TBCB: variants seen among roughly 807,000 people sequenced by gnomAD.
TBCB encodes tubulin-folding cofactor B.
TBCB carries 18 observed loss-of-function variants against 29.2 expected under a neutral mutation model. The ratio of observed to expected loss-of-function variants is 0.62; its 90% confidence interval spans 0.43 to 0.91. TBCB has a LOEUF of 0.91. TBCB is among the 40% of genes least tolerant of loss of function. TBCB has a pLI of 0.00. For missense variants in TBCB, 336 were observed against 337.6 expected (o/e 1.00, Z 0.04); for synonymous variants, 172 against 137.8 (o/e 1.25, Z -1.74).
intron 2 of TBCB, among the ~76,000 whole-genome samples, chr19:36,119,011 C>T (rs190577677): frequency 6.6e-6 from 1 of 152,214 alleles, no homozygotes; most frequent in Admixed American, 6.5e-5. Flanking sequence ...GCCTTTGGGC[C>T]ACCCTGGGCA....
At chr19:36,121,325 T>C (rs1974046131) in intron 3 of TBCB, among the ~76,000 whole-genome samples, 1 of 151,736 alleles carries the variant, frequency 6.6e-6, no homozygotes, top group South Asian at 2.1e-4. Flanking sequence ...GCGGCACCCC[T>C]TCCATTTACG....
chr19:36,122,997 GTC>G (rs965277950), intron 4 of TBCB, among the ~76,000 whole-genome samples: 151 of 152,106 alleles, frequency 9.9e-4, no homozygotes, highest in African/African-American at 3.5e-3. Flanking sequence ...ACTAATTTAC[GTC>G]TGTCTCTAAT....
chr19:36,116,091 G>A lies in TBCB; in HGVS notation c.165G>A (p.Glu55=). Residue 55 remains glutamate (E), a synonymous_variant, in exon 2 of 6, where the codon GAG becomes GAA. Transcript: ENST00000221855. The stretch of plus-strand genomic sequence containing the variant: ...GCCCTGCTTCCTGCATGGAACTGGA[G>A]CTGTATGGAGTTGACGACAAGTTCT... The part of the protein sequence containing the change: ...VGSPASCMEL[E]LYGVDDKFYS... 1.2e-6 allele frequency: 2 copies of A among 1,614,198 alleles called. No homozygotes were observed. Among genetic ancestry groups the A allele is most frequent in the Non-Finnish European group, 1.7e-6 (2 of 1,180,032 alleles).
At chr19:36,121,906 G>A in intron 4 of TBCB, 188 bp downstream of exon 4, 2 of 779,438 alleles carry the variant, frequency 2.6e-6, no homozygotes, top group East Asian at 5.5e-5. Flanking sequence ...AGTGTTTGTG[G>A]AGGGAAGTGG....
intron 1 of TBCB, 111 bp from the exon 2 acceptor site, chr19:36,115,930 T>G (rs1599861967): frequency 1.4e-6 from 2 of 1,470,798 alleles, no homozygotes; most frequent in Non-Finnish European, 1.8e-6. Context: ...TGCGGCCCCG[T>G]GCGTCCTGAC....
In TBCB at chr19:36,120,693, C is replaced by T. The variant is rs1182519873; in HGVS notation, c.259-17C>T. On this transcript the variant is annotated splice_polypyrimidine_tract_variant and intron_variant, in intron 2 of 5. Coordinates refer to ENST00000221855, the MANE Select transcript of TBCB (RefSeq NM_001281.3). ...TGGCCAGACCCTGATCCCCACGGAG[C>T]CCCTCCCCTCACACAGGTCATTGAC... 1.2e-6 allele frequency: 2 copies of T among 1,612,520 alleles called. No homozygotes were observed. Among genetic ancestry groups the T allele is most frequent in the Non-Finnish European group, 1.7e-6 (2 of 1,178,866 alleles).
rs1485670372 is a variant in TBCB, at chr19:36,116,096, A to G, written c.170A>G (p.Tyr57Cys). ...SPASCMELEL[Y>C]GVDDKFYSKL... is the part of the protein sequence containing the mutation. Reference sequence around the variant, plus strand: ...GCTTCCTGCATGGAACTGGAGCTGTATGGAGTTGACGACAAGTTCTACAGC... The same window carrying G: ...GCTTCCTGCATGGAACTGGAGCTGTGTGGAGTTGACGACAAGTTCTACAGC... Residue 57 changes from tyrosine to cysteine, a missense_variant, in exon 2 of 6, where the codon TAT becomes TGT. Coordinates refer to ENST00000221855, the MANE Select transcript of TBCB (RefSeq NM_001281.3). 6.2e-7 allele frequency: 1 copy of G among 1,614,182 alleles called. No homozygotes were observed. Among genetic ancestry groups the G allele is most frequent in the Admixed American group, 1.7e-5 (1 of 60,020 alleles).
intron 4 of TBCB, chr19:36,122,023 G>A (rs8104053): frequency 0.58 from 281,244 of 485,286 alleles, 82,634 homozygotes; most frequent in East Asian, 0.7. Flanking sequence ...GTGGGGAAAC[G>A]GGCGGCGTGA....
Position 36,121,728 on chromosome 19 carries a change from T to G in TBCB, c.547+10T>G, listed in dbSNP as rs879865520. The G allele has an allele frequency of 6.5e-7, 1 of 1,548,414 alleles. No individual in the cohort carries two copies. Among genetic ancestry groups the G allele is most frequent in the East Asian group, 2.4e-5 (1 of 41,110 alleles). ...ACCGTCATGTATGTAGGTGCGTGGC[T>G]CGCGGGCCCGGTCCCGGGCTCCAGG... On this transcript the variant is annotated intron_variant, in intron 4 of 5. Transcript: ENST00000221855.
intron 4 of TBCB, chr19:36,122,136 G>A (rs146402521): frequency 7.4e-4 from 208 of 281,400 alleles, no homozygotes; most frequent in East Asian, 4.9e-4. Context: ...AGGTGAAAAG[G>A]GAGGAAGAGT....
intron 2 of TBCB, among the ~76,000 whole-genome samples, chr19:36,119,837 C>T (rs962322192): frequency 3.3e-4 from 50 of 151,026 alleles, no homozygotes; most frequent in African/African-American, 1.2e-3. Context: ...CAGAGGTTTC[C>T]GTGAGCTGAG....
chr19:36,118,085 G>A (rs1407065781), intron 2 of TBCB, among the ~76,000 whole-genome samples: 1 of 152,168 alleles, frequency 6.6e-6, no homozygotes, highest in African/African-American at 2.4e-5. Flanking sequence ...CTTTCTTAAG[G>A]ATGAACTGTC....
Position 36,121,574 on chromosome 19 carries a change from G to A in TBCB, c.403G>A (p.Glu135Lys), listed in dbSNP as rs780904290. 33 of 1,558,560 alleles carry A rather than the reference G, an allele frequency of 2.1e-5. No homozygotes were observed. Among genetic ancestry groups the A allele is most frequent in the African/African-American group, 2.7e-5 (2 of 73,566 alleles). ...LKRSKLGRYN[E>K]EERAQQEAEA... ...GCGCAGCAAGCTCGGCCGGTACAAC[G>A]AGGAGGAGCGGGCTCAGCAGGAGGC... The change falls in exon 4 of 6, where the codon GAG (glutamate) becomes AAG (lysine). Residue 135 changes from glutamate to lysine, a missense_variant. Glu to Lys is a moderately conservative substitution (Grantham distance 56). Coordinates refer to ENST00000221855, the MANE Select transcript of TBCB (RefSeq NM_001281.3).
chr19:36,116,049 G>T lies in TBCB; in HGVS notation c.123G>T (p.Leu41=), dbSNP rs1293872976. 1 of 1,614,084 alleles carries T rather than the reference G, an allele frequency of 6.2e-7. No homozygotes were observed. Among genetic ancestry groups the T allele is most frequent in the Non-Finnish European group, 8.5e-7 (1 of 1,179,962 alleles). Residue 41 remains leucine, a synonymous_variant, in exon 2 of 6, where the codon CTG becomes CTT. Transcript: ENST00000221855. The part of the protein sequence containing the change: ...SLTIAEFKCK[L]ELLVGSPASC... ...CTGCCTCCTCCTCACAGTGTAAACT[G>T]GAGTTGCTGGTGGGCAGCCCTGCTT... is the stretch of plus-strand genomic sequence containing the variant.
upstream of TBCB, chr19:36,114,972 C>T (rs1412267845): frequency 4.6e-6 from 5 of 1,077,694 alleles, no homozygotes; most frequent in Non-Finnish European, 5.5e-6. The surrounding 1 kb of genome is among the most constrained non-coding windows in gnomAD (Gnocchi z 4.5). Flanking sequence ...GCTGCGCACA[C>T]GTGCTGGCTC....
At position 36,121,729 on chromosome 19, in the gene TBCB, CGCGG is replaced by C. The variant is rs556466555; in HGVS notation, c.547+14_547+17del. The stretch of plus-strand genomic sequence containing the variant: ...CCGTCATGTATGTAGGTGCGTGGCT[CGCGG>C]GCCCGGTCCCGGGCTCCAGGGCTCC... On this transcript the variant is annotated intron_variant, in intron 4 of 5. Transcript: ENST00000221855. The C allele has an allele frequency of 1.7e-5, 26 of 1,547,928 alleles. No homozygotes were observed. The African/African-American group carries it at 2.6e-4, about 15-fold the overall frequency.
At chr19:36,120,561 C>T (rs780055361) in intron 2 of TBCB, 149 bp from the exon 3 acceptor site, 26 of 626,414 alleles carry the variant, frequency 4.2e-5, no homozygotes, top group Admixed American at 3.7e-4. Context: ...TTCTCCCTTC[C>T]GCTGGGCTCA....
rs1383171489 is a variant in TBCB, at chr19:36,115,612, T to C, written c.52T>C (p.Ser18Pro). Residue 18 changes from serine to proline, a missense_variant, in exon 1 of 6, where the codon TCC (serine) becomes CCC (proline). By Grantham distance (74) the Ser-to-Pro change is moderately conservative. Transcript: ENST00000221855. ...CACGGTGACCGTTTTCATCAGCAGC[T>C]CCCTCAACACCTTCCGCTCCGAGAA... ...APTVTVFISS[S>P]LNTFRSEKRY... 1.9e-6 allele frequency: 3 copies of C among 1,606,916 alleles called. No individual in the cohort carries two copies. Among genetic ancestry groups the C allele is most frequent in the South Asian group, 1.1e-5 (1 of 90,206 alleles).
chr19:36,116,022 C>T lies in TBCB; in HGVS notation c.115-19C>T, dbSNP rs533098626. On this transcript the variant is annotated intron_variant, in intron 1 of 5. Transcript: ENST00000221855. Reference sequence around the variant, plus strand: ...GGCCTCCGTGGCCTCCTTCTTCTCACCCTGCCTCCTCCTCACAGTGTAAAC... The same window carrying T: ...GGCCTCCGTGGCCTCCTTCTTCTCATCCTGCCTCCTCCTCACAGTGTAAAC... 1.2e-6 allele frequency: 2 copies of T among 1,609,266 alleles called. No homozygotes were observed. The highest frequency in any genetic ancestry group is 2.2e-5 in the East Asian group (1 of 44,702).
Sources: allele counts gnomAD v4.1 joint callset (sites outside exome capture counted in the v4.1 genomes callset), GRCh38; gene constraint gnomAD v4.1.1; non-coding constraint Gnocchi (gnomAD v3.1); transcripts MANE v1.5; gene names NCBI Gene and HGNC (gene_info 2026-07-23, HGNC 2026-07-21).